Variants in DKK2 observed in about 807,000 individuals in gnomAD.
DKK2 encodes dickkopf-related protein 2.
Under a neutral mutation model 28.1 loss-of-function variants are expected in DKK2, and 11 were observed. The ratio of observed to expected loss-of-function variants is 0.39; its 90% CI spans 0.25 to 0.65. The LOEUF (loss-of-function observed/expected upper bound fraction) is 0.65. Ranked by LOEUF, DKK2 falls within the 30% of genes least tolerant of loss-of-function variation. DKK2 has a pLI of 0.47. For missense variants in DKK2, 326 were observed against 335.5 expected, an observed-to-expected ratio of 0.97 and a Z score of 0.22; for synonymous variants, 135 against 126.5, an observed-to-expected ratio of 1.07 and a Z score of -0.45.
chr4:107,022,500 A>G (rs1723712517), intron 1 of DKK2, among the ~76,000 whole-genome samples: 1 of 152,122 alleles, frequency 6.6e-6, no homozygotes. Context: ...CTTGGCCTTA[A>G]ATCCCAGCTC....
intron 1 of DKK2, among the ~76,000 whole-genome samples, chr4:106,995,416 A>G (rs965975901): frequency 6.6e-6 from 1 of 152,154 alleles, no homozygotes; most frequent in African/African-American, 2.4e-5. Flanking sequence ...AAAAGTCTCA[A>G]TGTTCTGTTG....
chr4:107,025,017 C>T (rs150732732), intron 1 of DKK2, among the ~76,000 whole-genome samples: 11 of 152,270 alleles, frequency 7.2e-5, no homozygotes, highest in African/African-American at 2.6e-4. Context: ...ATAGTTATGG[C>T]TCACTTACTC....
rs548217563 is a variant in DKK2, at chr4:106,965,729, A to G, written c.223-39780T>C. ...CATCTAGCATTAGGTATATCTCCCAATGCTATCCCTCCCCCCTCCCCCCAC... is the reference window on the plus strand; with the variant it reads ...CATCTAGCATTAGGTATATCTCCCAGTGCTATCCCTCCCCCCTCCCCCCAC... On this transcript the variant is annotated intron_variant, in intron 1 of 3. Coordinates refer to ENST00000285311, the MANE Select transcript of DKK2 (RefSeq NM_014421.3). Among the ~76,000 whole-genome samples the G allele has an allele frequency of 5.1e-3, 707 of 139,364 alleles. 2 individuals carry two copies. The highest frequency in any genetic ancestry group is 0.01 in the Admixed American group (140 of 13,960). The allele number at this position is 139,364 out of a possible 152,430, so 91.4% of individuals were successfully genotyped here.
chr4:106,969,019 G>T (rs988570012), intron 1 of DKK2, among the ~76,000 whole-genome samples: 1 of 151,932 alleles, frequency 6.6e-6, no homozygotes, highest in African/African-American at 2.4e-5. Context: ...TACTGAAAAA[G>T]AAATTTTAGC....
At chr4:106,975,031 C>T (rs1437769038) in intron 1 of DKK2, among the ~76,000 whole-genome samples, 14 of 151,862 alleles carry the variant, frequency 9.2e-5, no homozygotes, top group East Asian at 3.9e-4. Context: ...TCTGTTTATG[C>T]GATGGGTTAC....
At chr4:107,015,803 A>G (rs1341163132) in intron 1 of DKK2, among the ~76,000 whole-genome samples, 1 of 151,748 alleles carries the variant, frequency 6.6e-6, no homozygotes, top group African/African-American at 2.4e-5. Flanking sequence ...CTCTTAATAC[A>G]TGAATACTAA....
intron 1 of DKK2, among the ~76,000 whole-genome samples, chr4:106,984,245 A>T (rs1270111704): frequency 1.3e-5 from 2 of 152,198 alleles, no homozygotes; most frequent in African/African-American, 4.8e-5. Context: ...CAGTTTTGTT[A>T]CACTAAGTAC....
intron 1 of DKK2, among the ~76,000 whole-genome samples, chr4:107,003,680 C>T (rs1465121305): frequency 1.3e-5 from 2 of 152,224 alleles, no homozygotes; most frequent in Non-Finnish European, 2.9e-5. Flanking sequence ...CTTGCAGATT[C>T]TTTTCCTACT....
intron 1 of DKK2, among the ~76,000 whole-genome samples, chr4:106,954,190 C>T (rs1722551283): frequency 6.6e-6 from 1 of 152,170 alleles, no homozygotes. Context: ...TAGCCAGTGT[C>T]ACCACTGTGC....
intron 1 of DKK2, among the ~76,000 whole-genome samples, chr4:106,967,636 C>T (rs1258798319): frequency 6.6e-6 from 1 of 152,044 alleles, no homozygotes; most frequent in African/African-American, 2.4e-5. Context: ...TCTTCTCTGC[C>T]AGGGCTTTTG....
chr4:107,024,929 C>T (rs577054489), intron 1 of DKK2, among the ~76,000 whole-genome samples: 1 of 152,306 alleles, frequency 6.6e-6, no homozygotes, highest in Non-Finnish European at 1.5e-5. Context: ...TGATAGTGCA[C>T]AAGGCATATA....
At position 106,950,923 on chromosome 4, in the gene DKK2, A is replaced by G. The variant is rs191174216; in HGVS notation, c.223-24974T>C. On this transcript the variant is annotated intron_variant, in intron 1 of 3. Transcript: ENST00000285311. ...AGAAACCTCCTTTGTGCTTCCTCCCATATATTACCAGCCCCGCAAGTCTAC... is the reference window on the plus strand; with the variant it reads ...AGAAACCTCCTTTGTGCTTCCTCCCGTATATTACCAGCCCCGCAAGTCTAC... Among the ~76,000 whole-genome samples the G allele has an allele frequency of 4.6e-5, 7 of 152,216 alleles. No individual in the cohort carries two copies. In the East Asian group the frequency reaches 9.7e-4, roughly 21 times the overall value.
chr4:106,937,843 T>G, intron 1 of DKK2, among the ~76,000 whole-genome samples: 1 of 152,022 alleles, frequency 6.6e-6, no homozygotes, highest in African/African-American at 2.4e-5. Flanking sequence ...ACATGGAAAC[T>G]GAACAACCTG....
chr4:107,035,586 G>C lies in DKK2; in HGVS notation c.6C>G (p.Ala2=). 1.9e-6 allele frequency: 3 copies of C among 1,613,982 alleles called. No individual in the cohort carries two copies. Among genetic ancestry groups the C allele is most frequent in the Non-Finnish European group, 2.5e-6 (3 of 1,179,988 alleles). The part of the protein sequence containing the change: M[A]ALMRSKDSSC... Reference sequence around the variant, plus strand: ...ACGAATCCTTGCTCCGCATCAACGCGGCCATCTCCCGGCGAGGGGGTCCCC... The same window carrying C: ...ACGAATCCTTGCTCCGCATCAACGCCGCCATCTCCCGGCGAGGGGGTCCCC... Residue 2 remains alanine, a synonymous_variant, in exon 1 of 4, where the codon GCC becomes GCG. Transcript: ENST00000285311.
At chr4:106,989,469 T>C (rs1723172116) in intron 1 of DKK2, among the ~76,000 whole-genome samples, 1 of 152,210 alleles carries the variant, frequency 6.6e-6, no homozygotes. Flanking sequence ...AATTGGGTAA[T>C]CTATCCAAAA....
At chr4:107,026,783 G>T (rs1361909381) in intron 1 of DKK2, among the ~76,000 whole-genome samples, 1 of 152,140 alleles carries the variant, frequency 6.6e-6, no homozygotes, top group Non-Finnish European at 1.5e-5. Flanking sequence ...TGTAATTTTT[G>T]TTATCAAGGA....
chr4:107,033,079 T>TTTAGA lies in DKK2; in HGVS notation c.222+2286_222+2290dup, dbSNP rs1293150030. ...TTTGTTTCTTCATAACAGTACATAC[T>TTTAGA]TTAGATCATTCGTTAAAGAAGAATA... On this transcript the variant is annotated intron_variant, in intron 1 of 3. Coordinates refer to ENST00000285311, the MANE Select transcript of DKK2 (RefSeq NM_014421.3). Among the ~76,000 whole-genome samples, 3 of 152,322 alleles carry TTTAGA rather than the reference T, an allele frequency of 2.0e-5. No homozygotes were observed. The East Asian group carries it at 5.8e-4, about 29-fold the overall frequency.
chr4:106,972,897 A>T (rs914547460), intron 1 of DKK2, among the ~76,000 whole-genome samples: 1 of 151,798 alleles, frequency 6.6e-6, no homozygotes, highest in Non-Finnish European at 1.5e-5. Context: ...TGACCCTTCC[A>T]CCCCACTACA....
chr4:107,011,690 A>T (rs1359353124), intron 1 of DKK2, among the ~76,000 whole-genome samples: 1 of 146,798 alleles, frequency 6.8e-6, no homozygotes, highest in Non-Finnish European at 1.5e-5. Flanking sequence ...TCTTTGTCTG[A>T]GTGTGTGTGT....
Sources: gnomAD v4.1 joint callset for allele counts (sites outside exome capture counted in the v4.1 genomes callset) on GRCh38, gnomAD v4.1.1 for gene constraint, MANE v1.5 for transcripts, NCBI Gene and HGNC (gene_info 2026-07-23, HGNC 2026-07-21) for gene names.